TENM3: variants seen among roughly 807,000 people sequenced by gnomAD.
TENM3 encodes teneurin transmembrane protein 3, also known as teneurin-3.
TENM3 carries 63 observed loss-of-function variants against 255.1 expected under a neutral mutation model. The ratio of observed to expected loss-of-function variants is 0.25; its 90% CI spans 0.20 to 0.30. The LOEUF (loss-of-function observed/expected upper bound fraction) is 0.30, where lower values mean the gene tolerates loss of function less well. Ranked by LOEUF, TENM3 falls within the 10% of genes least tolerant of loss-of-function variation. The pLI is 1.00. For synonymous variants in TENM3, 1,306 were observed against 1,322.3 expected (o/e 0.99, Z 0.27); for missense variants, 2,929 against 3,461.1 (o/e 0.85, Z 3.86).
At position 182,800,166 on chromosome 4, in the gene TENM3, C is replaced by T. The variant is rs770302738; in HGVS notation, c.7915C>T (p.Arg2639Cys). Residue 2639 changes from arginine (R) to cysteine (C), a missense_variant, in exon 28 of 28, where the codon CGC (arginine) becomes TGC (cysteine). By Grantham distance (180) the Arg-to-Cys change is radical. Around this residue, in one of 6 missense-constraint regions of TENM3, gnomAD observed 476 missense variants for 480.1 expected, o/e 0.99. Transcript: ENST00000511685. ...CCGGGCCTGGGCGCGCGAGCAGCAG[C>T]GCGTGCGCGACGGCGAGGAGGGCGC... ...LARAWAREQQ[R>C]VRDGEEGARL... The T allele has an allele frequency of 3.4e-6, 5 of 1,492,156 alleles. No homozygotes were observed. The highest frequency in any genetic ancestry group is 8.9e-7 in the Non-Finnish European group (1 of 1,129,928). The allele number at this position is 1,492,156 out of a possible 1,614,324, so 92.4% of individuals were successfully genotyped here. A position where few individuals can be genotyped will look rare whatever the true frequency, so the allele number is the denominator to read the frequency against.
intron 3 of TENM3, among the ~76,000 whole-genome samples, chr4:182,555,449 T>G (rs1742489729): frequency 6.6e-6 from 1 of 152,228 alleles, no homozygotes; most frequent in African/African-American, 2.4e-5. Context: ...TTTAAAATTT[T>G]TTTTCAATAT....
chr4:182,672,729 A>G (rs1057211704), intron 6 of TENM3, among the ~76,000 whole-genome samples: 4 of 152,234 alleles, frequency 2.6e-5, no homozygotes, highest in Non-Finnish European at 1.5e-5. Flanking sequence ...GAACAGAAAG[A>G]CTGTAGGTGT....
the TENM3 span, among the ~76,000 whole-genome samples, chr4:181,992,793 A>C: frequency 6.6e-6 from 1 of 152,308 alleles, no homozygotes; most frequent in South Asian, 2.1e-4. Context: ...CACAAAAATA[A>C]TGGGAGAAAT....
At chr4:181,501,465 G>A in the TENM3 span, among the ~76,000 whole-genome samples, 5 of 151,162 alleles carry the variant, frequency 3.3e-5, no homozygotes, top group East Asian at 2.0e-4. Flanking sequence ...CGCAACCTCC[G>A]CCTCCCGGGT....
the TENM3 span, among the ~76,000 whole-genome samples, chr4:181,850,117 C>T: frequency 1.3e-5 from 2 of 151,768 alleles, no homozygotes; most frequent in African/African-American, 2.4e-5. Flanking sequence ...CCCATATTTC[C>T]CAATTCATTC....
intron 3 of TENM3, among the ~76,000 whole-genome samples, chr4:182,594,708 G>GTT (rs1747024918): frequency 8.3e-6 from 1 of 121,212 alleles, no homozygotes; most frequent in Admixed American, 8.7e-5. Flanking sequence ...GTGTGTGTGT[G>GTT]TGTGTGTGTG....
At chr4:182,167,340 A>G (rs1047542367) in intron 1 of TENM3, among the ~76,000 whole-genome samples, 6 of 152,338 alleles carry the variant, frequency 3.9e-5, no homozygotes, top group African/African-American at 1.4e-4. Flanking sequence ...TAGAAGTATA[A>G]ATTTTACATA....
chr4:181,574,707 A>C, the TENM3 span, among the ~76,000 whole-genome samples: 2 of 152,210 alleles, frequency 1.3e-5, no homozygotes, highest in African/African-American at 4.8e-5. Flanking sequence ...TAAAGGTAGA[A>C]TTATATGTTT....
At chr4:181,979,164 T>C in the TENM3 span, among the ~76,000 whole-genome samples, 1 of 118,260 alleles carries the variant, frequency 8.5e-6, no homozygotes, top group Non-Finnish European at 1.7e-5. Context: ...ATGACATCTT[T>C]GGTTGACTAC....
intron 6 of TENM3, among the ~76,000 whole-genome samples, chr4:182,659,108 T>C (rs1454026527): frequency 1.3e-5 from 2 of 152,194 alleles, no homozygotes; most frequent in African/African-American, 4.8e-5. Context: ...TAGGGACCTG[T>C]TATGCCATTG....
chr4:182,792,296 G>A lies in TENM3; in HGVS notation c.5624G>A (p.Ser1875Asn). Residue 1875 changes from serine (S) to asparagine (N), a missense_variant, in exon 26 of 28, where the codon AGC becomes AAC. Physicochemically the swap from Ser to Asn is conservative, Grantham distance 46 (BLOSUM62 1). Around this residue, in one of 6 missense-constraint regions of TENM3, gnomAD observed 303 missense variants for 425.2 expected, o/e 0.71. Coordinates refer to ENST00000511685, the MANE Select transcript of TENM3 (RefSeq NM_001080477.4). This position sits in a 1 kb window ranked among gnomAD's most constrained non-coding sequence, Gnocchi z 6.3. ...CAGTCCATGGTTCTTCTGCTTCATAGCCAGCGGCAGTACATCTTCGAATAC... is the reference window on the plus strand; with the variant it reads ...CAGTCCATGGTTCTTCTGCTTCATAACCAGCGGCAGTACATCTTCGAATAC... ...LEKSMVLLLHSQRQYIFEYDM... is the reference protein window; with the variant it reads ...LEKSMVLLLHNQRQYIFEYDM... 6.2e-7 allele frequency: 1 copy of A among 1,613,688 alleles called. No individual in the cohort carries two copies. Among genetic ancestry groups the A allele is most frequent in the Non-Finnish European group, 8.5e-7 (1 of 1,179,668 alleles).
the TENM3 span, among the ~76,000 whole-genome samples, chr4:181,507,217 A>G: frequency 2.1e-4 from 32 of 152,294 alleles, no homozygotes; most frequent in African/African-American, 7.7e-4. Flanking sequence ...TCTATCCCAC[A>G]GAAGTATTTA....
chr4:181,713,503 G>A, the TENM3 span, among the ~76,000 whole-genome samples: 2,283 of 152,174 alleles, frequency 0.015, 70 homozygotes, highest in African/African-American at 0.053. Flanking sequence ...CTTGGTTGAG[G>A]GAAAATCTTC....
At chr4:181,461,731 A>G in the TENM3 span, among the ~76,000 whole-genome samples, 2 of 151,944 alleles carry the variant, frequency 1.3e-5, no homozygotes, top group African/African-American at 4.8e-5. Context: ...TCTATGGTTC[A>G]TATTTATCCT....
At chr4:181,508,082 T>G in the TENM3 span, among the ~76,000 whole-genome samples, 1 of 152,202 alleles carries the variant, frequency 6.6e-6, no homozygotes, top group Non-Finnish European at 1.5e-5. Context: ...ATTTGTGCAT[T>G]GTGATGGATG....
At chr4:182,237,010 A>T (rs745449438) in intron 1 of TENM3, among the ~76,000 whole-genome samples, 36 of 152,126 alleles carry the variant, frequency 2.4e-4, no homozygotes, top group Non-Finnish European at 7.4e-5. Context: ...CTCCTGCAAC[A>T]AGTCCCCATG....
At chr4:182,611,085 G>A (rs1361974732) in intron 4 of TENM3, among the ~76,000 whole-genome samples, 1 of 151,806 alleles carries the variant, frequency 6.6e-6, no homozygotes, top group African/African-American at 2.4e-5. Context: ...TTAGTAATTG[G>A]CCTGAGGTCA....
At chr4:182,021,106 A>G in the TENM3 span, among the ~76,000 whole-genome samples, 3 of 152,186 alleles carry the variant, frequency 2.0e-5, no homozygotes, top group South Asian at 4.2e-4. Flanking sequence ...TACTATTCCC[A>G]TCTTCATGTT....
At chr4:182,259,114 G>A (rs988424356) in intron 1 of TENM3, among the ~76,000 whole-genome samples, 1 of 152,178 alleles carries the variant, frequency 6.6e-6, no homozygotes, top group African/African-American at 2.4e-5. Context: ...TATTTGAGAA[G>A]AATAAAGGTA....
Sources: gnomAD v4.1 joint callset for allele counts (sites outside exome capture counted in the v4.1 genomes callset) on GRCh38, gnomAD v4.1.1 for gene constraint, gnomAD v4.1.1 regional missense constraint, Gnocchi (gnomAD v3.1) non-coding constraint, MANE v1.5 for transcripts, NCBI Gene and HGNC (gene_info 2026-07-23, HGNC 2026-07-21) for gene names.